The following GOLGA6L7 variants were observed in gnomAD, a reference collection of about 807,000 sequenced individuals.
The protein encoded by GOLGA6L7 is golgin subfamily A member 6-like protein 7.
In GOLGA6L7, 29 loss-of-function variants were observed where a neutral mutation model predicts 68.9. The observed-to-expected ratio is 0.42, with a 90% CI of 0.31 to 0.57. The LOEUF (loss-of-function observed/expected upper bound fraction) is 0.57. Ranked by LOEUF, GOLGA6L7 falls within the 20% of genes least tolerant of loss-of-function variation. The pLI is 0.13. For missense variants in GOLGA6L7, 396 were observed against 588.4 expected, an observed-to-expected ratio of 0.67 and a Z score of 3.38; for synonymous variants, 133 against 197.4, an observed-to-expected ratio of 0.67 and a Z score of 2.73.
intron 2 of GOLGA6L7, 103 bp from the exon 3 acceptor site, chr15:28,846,352 A>G: frequency 1.4e-6 from 1 of 712,482 alleles, no homozygotes; most frequent in South Asian, 1.5e-5. Flanking sequence ...TTAAGGGCAA[A>G]GTTCTCAGAC....
chr15:28,845,288 G>C (rs2030381616), intron 6 of GOLGA6L7: 1 of 610,158 alleles, frequency 1.6e-6, no homozygotes, highest in East Asian at 3.0e-5. Flanking sequence ...AAGTATGGGT[G>C]GGGTGGGCAC....
intron 6 of GOLGA6L7, among the ~76,000 whole-genome samples, 170 bp from the exon 7 acceptor site, chr15:28,844,433 T>TTC (rs1380670199): frequency 9.3e-4 from 137 of 147,724 alleles, no homozygotes; most frequent in African/African-American, 2.8e-3. Context: ...TTCTTTTCTT[T>TTC]TTTTTTTTTT....
intron 1 of GOLGA6L7, among the ~76,000 whole-genome samples, 199 bp downstream of exon 1, chr15:28,848,300 G>C (rs1011303454): frequency 6.6e-6 from 1 of 152,066 alleles, no homozygotes; most frequent in South Asian, 2.1e-4. Context: ...AGTCACCCTG[G>C]GGTGACCGGT....
chr15:28,846,120 C>T (rs2030417483), intron 3 of GOLGA6L7, 100 bp downstream of exon 3: 1 of 726,798 alleles, frequency 1.4e-6, no homozygotes, highest in Non-Finnish European at 2.5e-6. Flanking sequence ...GAGCCTTCCT[C>T]CCCAAGCTGG....
At position 28,848,594 on chromosome 15, in the gene GOLGA6L7, A is replaced by G. The variant is rs2030530277; in HGVS notation, c.-45T>C. On this transcript the variant is annotated 5_prime_UTR_variant, in exon 1 of 9. Transcript: ENST00000567390. ...GGTTGGGGTCACATTGGCGTGATCCAGGCGAGGACAGTGATATGCCTCCAG... is the reference window on the plus strand; with the variant it reads ...GGTTGGGGTCACATTGGCGTGATCCGGGCGAGGACAGTGATATGCCTCCAG... 1.4e-6 allele frequency: 1 copy of G among 719,698 alleles called. No individual in the cohort carries two copies. The highest frequency in any genetic ancestry group is 2.5e-6 in the Non-Finnish European group (1 of 393,774). 44.6% of individuals were successfully genotyped at this position (719,698 alleles called of 1,614,324 possible). A position where few individuals can be genotyped will look rare whatever the true frequency, so the allele number is the denominator to read the frequency against.
intron 1 of GOLGA6L7, among the ~76,000 whole-genome samples, chr15:28,848,049 G>A (rs1162410428): frequency 4.6e-5 from 7 of 152,192 alleles, no homozygotes; most frequent in African/African-American, 1.7e-4. Flanking sequence ...ACTTGGAGAC[G>A]TGAGCCCAAA....
rs531986425 is a variant in GOLGA6L7 at position 28,844,973 on chromosome 15, C to T, written c.462+556G>A. 9 of 186,940 alleles carry T rather than the reference C, an allele frequency of 4.8e-5. No individual in the cohort carries two copies. In the South Asian group the frequency reaches 9.5e-4, roughly 20 times the overall value. The allele number at this position is 186,940 out of a possible 1,614,324, so 11.6% of individuals were successfully genotyped here. On this transcript the variant is annotated intron_variant, in intron 6 of 8. Coordinates refer to ENST00000567390, the MANE Select transcript of GOLGA6L7 (RefSeq NM_001365371.2). ...ACAGATAAGGAGGAGGAAATTAATC[C>T]TTTGTTGATTTTTGAAAGAATGATA...
At chr15:28,846,634 G>C in intron 2 of GOLGA6L7, 1 of 375,812 alleles carries the variant, frequency 2.7e-6, no homozygotes, top group Non-Finnish European at 4.8e-6. Context: ...GGACGGAAAA[G>C]GCAGACAGGA....
intron 1 of GOLGA6L7, 45 bp from the exon 2 acceptor site, chr15:28,847,237 C>T: frequency 8.6e-7 from 1 of 1,161,330 alleles, no homozygotes; most frequent in Non-Finnish European, 1.2e-6. Flanking sequence ...CTACAAGCTC[C>T]TACAGTCACT....
chr15:28,844,064 C>T, intron 7 of GOLGA6L7, 141 bp downstream of exon 7: 1 of 567,464 alleles, frequency 1.8e-6, no homozygotes, highest in Middle Eastern at 3.7e-4. Context: ...GAGTCAGTGG[C>T]ACAGCCGGCA....
intron 2 of GOLGA6L7, chr15:28,846,776 G>A (rs2141055818): frequency 2.6e-6 from 1 of 389,170 alleles, no homozygotes; most frequent in Admixed American, 4.3e-5. Flanking sequence ...CTTACAGCAG[G>A]CCCTGGACTA....
chr15:28,847,269 C>T (rs1308205726), intron 1 of GOLGA6L7, 77 bp from the exon 2 acceptor site: 3 of 832,036 alleles, frequency 3.6e-6, no homozygotes, highest in Non-Finnish European at 3.6e-6. Context: ...ACAAAATACT[C>T]TCATAGACGA....
intron 1 of GOLGA6L7, among the ~76,000 whole-genome samples, chr15:28,847,654 C>G (rs1311615154): frequency 6.6e-6 from 1 of 152,264 alleles, no homozygotes; most frequent in South Asian, 2.1e-4. Flanking sequence ...ACTATCATCC[C>G]TAAGAACATT....
At position 28,848,624 on chromosome 15, in the gene GOLGA6L7, G is replaced by A. The variant is rs564314402; in HGVS notation, c.-75C>T. ...AGGACAGTGATATGCCTCCAGTCAC[G>A]TACCACACAGCTATGTGACTGAGCC... On this transcript the variant is annotated 5_prime_UTR_variant, in exon 1 of 9. It adds an upstream start codon to the 5' untranslated region. Coordinates refer to ENST00000567390, the MANE Select transcript of GOLGA6L7 (RefSeq NM_001365371.2). The A allele has an allele frequency of 3.5e-5, 26 of 736,972 alleles. No individual in the cohort carries two copies. The highest frequency in any genetic ancestry group is 5.0e-5 in the Non-Finnish European group (20 of 403,304). The allele number at this position is 736,972 out of a possible 1,614,324, so 45.7% of individuals were successfully genotyped here.
Position 28,845,957 on chromosome 15 carries a change from A to G in GOLGA6L7, c.211-7T>C, listed in dbSNP as rs1307532472. On this transcript the variant is annotated splice_region_variant and splice_polypyrimidine_tract_variant and intron_variant, in intron 3 of 8. Transcript: ENST00000567390. ...GGTGGCTTGCCTTATTTTCCTATAG[A>G]AAAGAAGAGGAAGACAGAGCTCTTA... 8.3e-7 allele frequency: 1 copy of G among 1,199,520 alleles called. No homozygotes were observed. The highest frequency in any genetic ancestry group is 1.8e-5 in the Admixed American group (1 of 55,528). The allele number at this position is 1,199,520 out of a possible 1,614,324, so 74.3% of individuals were successfully genotyped here. A position where few individuals can be genotyped will look rare whatever the true frequency, so the allele number is the denominator to read the frequency against.
chr15:28,843,469 G>T, intron 8 of GOLGA6L7, 29 bp from the exon 9 acceptor site: 1 of 481,532 alleles, frequency 2.1e-6, no homozygotes, highest in Non-Finnish European at 3.4e-6. Flanking sequence ...CATAAGCTAG[G>T]TATATAAATG....
intron 6 of GOLGA6L7, 48 bp downstream of exon 6, chr15:28,845,481 A>G (rs1331654028): frequency 1.4e-6 from 1 of 702,066 alleles, no homozygotes; most frequent in Non-Finnish European, 2.6e-6. Flanking sequence ...TCATTCCTCC[A>G]TCTGCGAAGC....
At chr15:28,846,281 G>A (rs745787314) in intron 2 of GOLGA6L7, 32 bp from the exon 3 acceptor site, 10 of 767,850 alleles carry the variant, frequency 1.3e-5, no homozygotes, top group Non-Finnish European at 9.5e-6. Context: ...GGTGACTGAG[G>A]GTGGTCCCTC....
rs2030255975 is a variant in GOLGA6L7, at chr15:28,842,933, CT to C, written c.1170del (p.Ile390MetfsTer26). On this transcript the variant is annotated frameshift_variant, in exon 9 of 9. Coordinates refer to ENST00000567390, the MANE Select transcript of GOLGA6L7 (RefSeq NM_001365371.2). LOFTEE classifies it high-confidence loss of function. Reference protein sequence around the residue: ...EEQMWKQEEQIGEQEEQMRKQ... With the variant: ...EEQMWKQEEQXGEQEEQMRKQ... ...TTTCGCATCTGCTCCTCCTGCTCCC[CT>C]ATCTGCTCCTCCTGCTTCCACATCT... 23 of 1,178,108 alleles carry C rather than the reference CT, an allele frequency of 2.0e-5. No homozygotes were observed. The African/African-American group carries it at 3.9e-4, about 20-fold the overall frequency. The allele number at this position is 1,178,108 out of a possible 1,614,324, so 73.0% of individuals were successfully genotyped here. A position where few individuals can be genotyped will look rare whatever the true frequency, so the allele number is the denominator to read the frequency against.
Sources: gnomAD v4.1 joint callset for allele counts (sites outside exome capture counted in the v4.1 genomes callset) on GRCh38, gnomAD v4.1.1 for gene constraint, MANE v1.5 for transcripts, NCBI Gene and HGNC (gene_info 2026-07-23, HGNC 2026-07-21) for gene names.